Variants in GRM8 observed in about 807,000 individuals in gnomAD.
The protein encoded by GRM8 is glutamate metabotropic receptor 8.
GRM8 carries 47 observed loss-of-function variants against 87.2 expected under a neutral mutation model. The observed-to-expected ratio is 0.54, with a 90% CI of 0.43 to 0.69. GRM8 has a LOEUF of 0.69. Among genes scored for constraint, GRM8 ranks in the 30% least tolerant of loss-of-function variants. GRM8 has a pLI of 0.00. For missense variants in GRM8, 1,019 were observed against 1,139.2 expected, an observed-to-expected ratio of 0.89 and a Z score of 1.52; for synonymous variants, 396 against 404.5, an observed-to-expected ratio of 0.98 and a Z score of 0.25.
rs1052003586 is a variant in GRM8, at chr7:127,238,604, G to A, written c.510+4091C>T. On this transcript the variant is annotated intron_variant, in intron 2 of 10. Transcript: ENST00000339582. The stretch of plus-strand genomic sequence containing the variant: ...AACCCCACCGTACACTCGAGGTTGA[G>A]TATCACTAATCTAGTAAAGCATTCA... Among the ~76,000 whole-genome samples the A allele has an allele frequency of 4.6e-5, 7 of 152,184 alleles. No homozygotes were observed. The East Asian group carries it at 1.3e-3, about 29-fold the overall frequency.
chr7:126,467,384 G>A lies in GRM8; in HGVS notation c.2431-21012C>T, dbSNP rs771742505. The stretch of plus-strand genomic sequence containing the variant: ...AAATGAGAGCATTTTTCTATTACTA[G>A]TTTTCACAGCAATTTCTTTTCTTTT... On this transcript the variant is annotated intron_variant, in intron 9 of 10. Transcript: ENST00000339582. Among the ~76,000 whole-genome samples the A allele has an allele frequency of 3.4e-4, 51 of 152,010 alleles. No individual in the cohort carries two copies. The Middle Eastern group carries it at 0.01, about 31-fold the overall frequency.
chr7:126,714,898 A>T (rs1199156508), intron 7 of GRM8, among the ~76,000 whole-genome samples: 2 of 152,204 alleles, frequency 1.3e-5, no homozygotes, highest in Admixed American at 6.5e-5. Context: ...TAAGAAAATC[A>T]TAAGGAAGAG....
At chr7:126,692,030 G>A (rs1808872449) in intron 7 of GRM8, among the ~76,000 whole-genome samples, 1 of 152,172 alleles carries the variant, frequency 6.6e-6, no homozygotes, top group Non-Finnish European at 1.5e-5. Flanking sequence ...TAGGATGGAG[G>A]GAAGATCAGA....
intron 2 of GRM8, among the ~76,000 whole-genome samples, chr7:127,109,761 T>C (rs11563496): frequency 0.07 from 10,679 of 152,252 alleles, 519 homozygotes; most frequent in South Asian, 0.13. Flanking sequence ...CAATGAATGT[T>C]TGAGGGCAAT....
Position 126,533,679 on chromosome 7 carries a change from C to G in GRM8, c.1703G>C (p.Gly568Ala), listed in dbSNP as rs1815216919. 2 of 1,613,896 alleles carry G rather than the reference C, an allele frequency of 1.2e-6. No individual in the cohort carries two copies. The highest frequency in any genetic ancestry group is 2.7e-5 in the African/African-American group (2 of 74,894). The change falls in exon 9 of 11, where the codon GGC (glycine) becomes GCC (alanine). Residue 568 changes from glycine (G) to alanine (A), a missense_variant. Transcript: ENST00000339582. ...LDQRPNMNRT[G>A]CQLIPIIKLE... ...TTTGATGATGGGGATAAGCTGGCAG[C>G]CTGTGCGGTTCATGTTGGGTCTCTG...
At chr7:126,759,403 G>A (rs1817356592) in intron 7 of GRM8, among the ~76,000 whole-genome samples, 1 of 146,184 alleles carries the variant, frequency 6.8e-6, no homozygotes, top group Non-Finnish European at 1.5e-5. Flanking sequence ...AATAAAAAAA[G>A]TAATATATAA....
chr7:126,775,954 C>T (rs1418789710), intron 6 of GRM8, among the ~76,000 whole-genome samples: 1 of 152,096 alleles, frequency 6.6e-6, no homozygotes, highest in African/African-American at 2.4e-5. Context: ...CAAATGCAGG[C>T]CTTTATTCAG....
chr7:127,215,868 A>G (rs971018501), intron 2 of GRM8, among the ~76,000 whole-genome samples: 1 of 152,108 alleles, frequency 6.6e-6, no homozygotes, highest in Non-Finnish European at 1.5e-5. Flanking sequence ...GCTTAATTAC[A>G]ACTGAATTTT....
At chr7:127,072,970 C>T (rs1190108874) in intron 3 of GRM8, among the ~76,000 whole-genome samples, 2 of 140,380 alleles carry the variant, frequency 1.4e-5, no homozygotes, top group Non-Finnish European at 3.2e-5. Flanking sequence ...AAAGGCCATC[C>T]TCGCTTCCTT....
chr7:127,015,053 AAGAAGAAGAAG>A (rs1190539649), intron 3 of GRM8, among the ~76,000 whole-genome samples: 133 of 124,936 alleles, frequency 1.1e-3, no homozygotes, highest in Middle Eastern at 4.1e-3. Context: ...GAAGAAGAAG[AAGAAGAAGAAG>A]AAGAAAGAAA....
chr7:126,660,678 T>C (rs1805065085), intron 7 of GRM8, among the ~76,000 whole-genome samples: 1 of 152,214 alleles, frequency 6.6e-6, no homozygotes, highest in Non-Finnish European at 1.5e-5. Context: ...TAATTACTTT[T>C]AGTGCAATTA....
chr7:127,142,808 T>C (rs1445096026), intron 2 of GRM8, among the ~76,000 whole-genome samples: 1 of 152,126 alleles, frequency 6.6e-6, no homozygotes, highest in Non-Finnish European at 1.5e-5. Context: ...AGTACTTCTC[T>C]AGACACTTGG....
intron 3 of GRM8, among the ~76,000 whole-genome samples, chr7:126,935,180 C>T (rs573268455): frequency 1.4e-4 from 22 of 152,160 alleles, no homozygotes; most frequent in African/African-American, 5.3e-4. Flanking sequence ...ATCTTGCATT[C>T]TACATTTTTA....
intron 2 of GRM8, among the ~76,000 whole-genome samples, chr7:127,194,125 G>C (rs897859991): frequency 6.6e-6 from 1 of 152,118 alleles, no homozygotes. Flanking sequence ...TTCAAAACTA[G>C]TCCTATGTTT....
chr7:127,177,768 C>A (rs900123360), intron 2 of GRM8, among the ~76,000 whole-genome samples: 3 of 152,138 alleles, frequency 2.0e-5, no homozygotes, highest in Admixed American at 6.5e-5. Context: ...TGCAGTTTGG[C>A]TCTCAGGAAG....
chr7:126,818,069 A>C (rs573454415), intron 6 of GRM8, among the ~76,000 whole-genome samples: 1 of 152,296 alleles, frequency 6.6e-6, no homozygotes, highest in East Asian at 1.9e-4. Context: ...CAGCAGGAAC[A>C]GTGAAATTAA....
chr7:126,795,361 A>G (rs1402221494), intron 6 of GRM8, among the ~76,000 whole-genome samples: 1 of 152,162 alleles, frequency 6.6e-6, no homozygotes, highest in African/African-American at 2.4e-5. Flanking sequence ...AAAATTTTAC[A>G]GGTGTTGACT....
intron 8 of GRM8, among the ~76,000 whole-genome samples, chr7:126,576,861 C>T (rs1795159489): frequency 6.6e-6 from 1 of 152,202 alleles, no homozygotes; most frequent in Non-Finnish European, 1.5e-5. Flanking sequence ...CAGACTTACA[C>T]TTACAGCCCC....
intron 2 of GRM8, among the ~76,000 whole-genome samples, chr7:127,206,405 C>G (rs1265273700): frequency 6.6e-6 from 1 of 152,188 alleles, no homozygotes. Flanking sequence ...ATTCCATACT[C>G]CTGTATGGCA....
Sources: gnomAD v4.1 joint callset for allele counts (sites outside exome capture counted in the v4.1 genomes callset) on GRCh38, gnomAD v4.1.1 for gene constraint, MANE v1.5 for transcripts, NCBI Gene and HGNC (gene_info 2026-07-23, HGNC 2026-07-21) for gene names.